The following LIPA variants were observed in gnomAD, a reference collection of about 807,000 sequenced individuals.
The protein encoded by LIPA is lysosomal acid lipase/cholesteryl ester hydrolase.
Under a neutral mutation model 40.6 loss-of-function variants are expected in LIPA, and 26 were observed. The observed-to-expected ratio is 0.64, with a 90% confidence interval of 0.47 to 0.89. The LOEUF (loss-of-function observed/expected upper bound fraction) is 0.89, where lower values mean the gene tolerates loss of function less well. Ranked by LOEUF, LIPA falls within the 40% of genes least tolerant of loss-of-function variation. LIPA has a pLI of 0.00. For missense variants in LIPA, 455 were observed against 479.6 expected (o/e 0.95, Z 0.48); for synonymous variants, 188 against 168.4 (o/e 1.12, Z -0.90).
chr10:89,377,020 T>C (rs77356803), intron 2 of LIPA, among the ~76,000 whole-genome samples: 2,923 of 152,290 alleles, frequency 0.019, 41 homozygotes, highest in African/African-American at 0.036. Context: ...GCCCTTTTGC[T>C]TATCTTGGTG....
chr10:89,297,256 T>A (rs1843420724), intron 1 of LIPA, among the ~76,000 whole-genome samples: 1 of 151,824 alleles, frequency 6.6e-6, no homozygotes, highest in African/African-American at 2.4e-5. Flanking sequence ...CATGAGAGAG[T>A]TTCTCTACCC....
chr10:89,366,160 C>T (rs1331374246), intron 2 of LIPA, among the ~76,000 whole-genome samples: 1 of 152,136 alleles, frequency 6.6e-6, no homozygotes, highest in Non-Finnish European at 1.5e-5. Flanking sequence ...TTGAAGAGGT[C>T]CTTCACATCC....
intron 1 of LIPA, among the ~76,000 whole-genome samples, chr10:89,328,929 A>G (rs917544295): frequency 6.6e-6 from 1 of 152,248 alleles, no homozygotes; most frequent in Non-Finnish European, 1.5e-5. Flanking sequence ...TGGTGGCTAC[A>G]TATGCATAAA....
chr10:89,298,853 G>A (rs1195285077), intron 1 of LIPA, among the ~76,000 whole-genome samples: 1 of 151,930 alleles, frequency 6.6e-6, no homozygotes, highest in Non-Finnish European at 1.5e-5. Context: ...AGGCACGGTG[G>A]TACATGCCTG....
chr10:89,352,290 C>T (rs940143201), intron 2 of LIPA, among the ~76,000 whole-genome samples: 8 of 152,168 alleles, frequency 5.3e-5, no homozygotes, highest in Non-Finnish European at 1.0e-4. Flanking sequence ...AGAGGAAGGG[C>T]AGTGCGGGTT....
chr10:89,388,794 T>TAAA (rs140698869), intron 2 of LIPA, among the ~76,000 whole-genome samples: 4 of 140,220 alleles, frequency 2.9e-5, no homozygotes, highest in African/African-American at 8.0e-5. Context: ...GCCTGAAATG[T>TAAA]AAAAAAAAAA....
intron 2 of LIPA, among the ~76,000 whole-genome samples, chr10:89,369,331 C>T (rs1041478834): frequency 1.3e-5 from 2 of 152,210 alleles, no homozygotes; most frequent in African/African-American, 4.8e-5. Context: ...CCACAGGCCA[C>T]GTCTTCCCTC....
At chr10:89,270,663 A>G (rs1843260912) in intron 1 of LIPA, among the ~76,000 whole-genome samples, 1 of 152,184 alleles carries the variant, frequency 6.6e-6, no homozygotes, top group Admixed American at 6.5e-5. Context: ...GAATAACCAT[A>G]AAGGCTGCCA....
chr10:89,378,915 A>G (rs1033069249), intron 2 of LIPA, among the ~76,000 whole-genome samples: 7 of 152,234 alleles, frequency 4.6e-5, no homozygotes, highest in African/African-American at 1.7e-4. Flanking sequence ...TTACCCAGGC[A>G]ACACTTAAAG....
chr10:89,248,795 T>C (rs1843073622), intron 1 of LIPA, among the ~76,000 whole-genome samples: 1 of 152,122 alleles, frequency 6.6e-6, no homozygotes, highest in Admixed American at 6.5e-5. Context: ...GAATTACTTT[T>C]AACTAAGAAA....
chr10:89,317,248 A>T (rs775795905), intron 1 of LIPA, among the ~76,000 whole-genome samples: 3 of 152,360 alleles, frequency 2.0e-5, no homozygotes, highest in Non-Finnish European at 2.9e-5. Context: ...GCTGCAGACA[A>T]TCGGTAATAA....
chr10:89,327,861 C>A (rs1843614315), intron 1 of LIPA: 1 of 535,700 alleles, frequency 1.9e-6, no homozygotes. Context: ...CTCCTCCCAA[C>A]GATTTTAAAT....
At chr10:89,229,706 T>C (rs971211420) in intron 3 of LIPA, among the ~76,000 whole-genome samples, 3 of 150,734 alleles carry the variant, frequency 2.0e-5, no homozygotes, top group East Asian at 1.9e-4. Flanking sequence ...TGAGCCAAGA[T>C]TGCACTGCTG....
upstream of LIPA, among the ~76,000 whole-genome samples, chr10:89,255,256 A>G (rs1210927659): frequency 6.6e-6 from 1 of 152,242 alleles, no homozygotes; most frequent in African/African-American, 2.4e-5. Flanking sequence ...GTGGCTAGGG[A>G]GGCCTCACAA....
Position 89,247,633 on chromosome 10 carries a change from A to G in LIPA, c.16T>C (p.Leu6=), listed in dbSNP as rs1460054674. The change falls in exon 2 of 10, where the codon TTG becomes CTG. Residue 6 remains leucine, a synonymous_variant. Coordinates refer to ENST00000336233, the MANE Select transcript of LIPA (RefSeq NM_000235.4). MKMRF[L]GLVVCLVLWT... ...AGAACCAAACAGACCACCAACCCCAAGAACCGCATTTTCATTCTGTATAAT... is the reference window on the plus strand; with the variant it reads ...AGAACCAAACAGACCACCAACCCCAGGAACCGCATTTTCATTCTGTATAAT... 1.9e-6 allele frequency: 3 copies of G among 1,610,682 alleles called. No individual in the cohort carries two copies. The highest frequency in any genetic ancestry group is 1.7e-6 in the Non-Finnish European group (2 of 1,176,994).
intron 1 of LIPA, among the ~76,000 whole-genome samples, chr10:89,310,651 G>A (rs1453093487): frequency 1.3e-5 from 2 of 152,222 alleles, no homozygotes; most frequent in Non-Finnish European, 2.9e-5. Context: ...CTAGGTGCAT[G>A]CACTTGTAAG....
chr10:89,248,059 C>T (rs1843055489), intron 1 of LIPA, among the ~76,000 whole-genome samples: 1 of 151,524 alleles, frequency 6.6e-6, no homozygotes. Context: ...TAGCGATGGG[C>T]TTTCACCATA....
intron 1 of LIPA, among the ~76,000 whole-genome samples, chr10:89,288,274 C>T (rs1016334324): frequency 4.6e-5 from 7 of 152,124 alleles, no homozygotes; most frequent in South Asian, 2.1e-4. Flanking sequence ...CTTTGGATAC[C>T]TAGTTTTACC....
At chr10:89,302,742 T>A (rs1843453321) in intron 1 of LIPA, among the ~76,000 whole-genome samples, 1 of 152,232 alleles carries the variant, frequency 6.6e-6, no homozygotes, top group Admixed American at 6.5e-5. Context: ...TTCTCACCTC[T>A]AACATTCCCT....
Sources: allele counts gnomAD v4.1 joint callset (sites outside exome capture counted in the v4.1 genomes callset), GRCh38; gene constraint gnomAD v4.1.1; transcripts MANE v1.5; gene names NCBI Gene and HGNC (gene_info 2026-07-23, HGNC 2026-07-21).